The following ERVW-1 variants were observed in gnomAD, a reference collection of about 807,000 sequenced individuals.
The protein encoded by ERVW-1 is endogenous retrovirus group W member 1, envelope, also known as syncytin-1.
A neutral mutation model predicts 16.6 loss-of-function variants in ERVW-1; 21 were observed. The ratio of observed to expected loss-of-function variants is 1.26; its 90% CI spans 0.90 to 1.82. The LOEUF (loss-of-function observed/expected upper bound fraction) is 1.82, where lower values mean the gene tolerates loss of function less well. Ranked by LOEUF, ERVW-1 falls within the 40% of genes most tolerant of loss-of-function variation. The probability of loss-of-function intolerance (pLI) is 0.00; values close to 1 mark genes in which losing one functional copy is unlikely to be tolerated. For missense variants in ERVW-1, 412 were observed against 300.2 expected, an observed-to-expected ratio of 1.37 and a Z score of -2.75; for synonymous variants, 161 against 109.8, an observed-to-expected ratio of 1.47 and a Z score of -2.92.
In ERVW-1 at chr7:92,469,804, T is replaced by C. The variant is rs762953433; in HGVS notation, c.578A>G (p.Asn193Ser). ...PTNCWICLPL[N>S]FRPYVSIPVP... ...AGGGATTGAAACATATGGCCTGAAG[T>C]TCAGGGGGAGGCATATCCAACAGTT... The change falls in exon 2 of 2, where the codon AAC becomes AGC. Residue 193 changes from asparagine (N) to serine (S), a missense_variant. Asn to Ser is a conservative substitution (Grantham distance 46). Coordinates refer to ENST00000603053, the MANE Select transcript of ERVW-1 (RefSeq NM_001130925.2). 1 of 767,244 alleles carries C rather than the reference T, an allele frequency of 1.3e-6. No individual in the cohort carries two copies. The highest frequency in any genetic ancestry group is 2.4e-6 in the Non-Finnish European group (1 of 417,484). The allele number at this position is 767,244 out of a possible 1,614,324, so 47.5% of individuals were successfully genotyped here. A position where few individuals can be genotyped will look rare whatever the true frequency, so the allele number is the denominator to read the frequency against.
Position 92,470,569 on chromosome 7 carries a change from G to T in ERVW-1, c.-188C>A, listed in dbSNP as rs1790307900. ...TCCAGCCACTTTAACCGCAGTTGGG[G>T]TAGATAAAATGACTGGGTAGGGTCC... is the stretch of plus-strand genomic sequence containing the variant. On this transcript the variant is annotated 5_prime_UTR_variant, in exon 2 of 2. Coordinates refer to ENST00000603053, the MANE Select transcript of ERVW-1 (RefSeq NM_001130925.2). 3 of 525,892 alleles carry T rather than the reference G, an allele frequency of 5.7e-6. No individual in the cohort carries two copies. In the South Asian group the frequency reaches 1.0e-4, roughly 18 times the overall value. 32.6% of individuals were successfully genotyped at this position (525,892 alleles called of 1,614,324 possible).
intron 1 of ERVW-1, among the ~76,000 whole-genome samples, chr7:92,473,596 C>T (rs1443685465): frequency 6.6e-6 from 1 of 152,002 alleles, no homozygotes; most frequent in Non-Finnish European, 1.5e-5. Context: ...GCTAGAATGT[C>T]TCTCCCTAAC....
intron 1 of ERVW-1, chr7:92,470,911 T>C (rs1469536899): frequency 6.0e-6 from 1 of 167,436 alleles, no homozygotes; most frequent in East Asian, 1.9e-4. Flanking sequence ...GTTTCCTGGG[T>C]TTGCTTTTTT....
In ERVW-1 at chr7:92,470,163, A is replaced by T; in HGVS notation, c.219T>A (p.Tyr73Ter). Residue 73 changes from tyrosine to a stop codon, truncating the protein, a stop_gained, in exon 2 of 2, where the codon TAT (tyrosine) becomes TAA (stop). Transcript: ENST00000603053. LOFTEE classifies it high-confidence loss of function. ...TAHTHMPRNC[Y>*]HSATLCMHAN... The stretch of plus-strand genomic sequence containing the variant: ...CATGCATGCAAAGAGTGGCAGAGTG[A>T]TAGCAGTTGCGGGGCATATGGGTGT... 1 of 778,824 alleles carries T rather than the reference A, an allele frequency of 1.3e-6. No individual in the cohort carries two copies. Among genetic ancestry groups the T allele is most frequent in the Non-Finnish European group, 2.4e-6 (1 of 417,948 alleles). The allele number at this position is 778,824 out of a possible 1,614,324, so 48.2% of individuals were successfully genotyped here. A position where few individuals can be genotyped will look rare whatever the true frequency, so the allele number is the denominator to read the frequency against.
intron 1 of ERVW-1, chr7:92,471,594 A>G (rs1790355573): frequency 6.6e-6 from 1 of 152,046 alleles, no homozygotes; most frequent in African/African-American, 2.4e-5. Flanking sequence ...ATTACCCTAT[A>G]CTAGGGGTTG....
chr7:92,477,799 G>T lies in ERVW-1; in HGVS notation c.-645C>A. ...GAGTCAGCGGCAGGTCTGCGGTGGT[G>T]GCAAACAGCAGTGGTGGACGGTGAG... On this transcript the variant is annotated 5_prime_UTR_variant, in exon 1 of 2. Transcript: ENST00000603053. The T allele has an allele frequency of 5.5e-6, 1 of 181,414 alleles. No individual in the cohort carries two copies. The highest frequency in any genetic ancestry group is 1.5e-4 in the South Asian group (1 of 6,620). The allele number at this position is 181,414 out of a possible 1,614,324, so 11.2% of individuals were successfully genotyped here.
At chr7:92,471,352 A>T (rs1562831141) in intron 1 of ERVW-1, 1 of 154,144 alleles carries the variant, frequency 6.5e-6, no homozygotes, top group Non-Finnish European at 1.5e-5. Flanking sequence ...TCTGCTTGAT[A>T]GTTTTGAAAA....
intron 1 of ERVW-1, chr7:92,475,315 AG>A (rs1790493339): frequency 6.6e-6 from 1 of 152,202 alleles, no homozygotes; most frequent in Admixed American, 6.5e-5. Flanking sequence ...ATCTGAAAAA[AG>A]AACATAGGGA....
At chr7:92,475,747 G>T (rs1405872592) in intron 1 of ERVW-1, among the ~76,000 whole-genome samples, 1 of 152,008 alleles carries the variant, frequency 6.6e-6, no homozygotes, top group Non-Finnish European at 1.5e-5. Context: ...TTGCCTTTGC[G>T]CTCAGGGGTG....
intron 1 of ERVW-1, among the ~76,000 whole-genome samples, chr7:92,475,459 TTGCAGTCC>T (rs1386310853): frequency 6.6e-6 from 1 of 152,194 alleles, no homozygotes; most frequent in Non-Finnish European, 1.5e-5. Flanking sequence ...CTCACTGATG[TTGCAGTCC>T]TGCACCTGTT....
chr7:92,476,877 A>T (rs1304961768), intron 1 of ERVW-1, among the ~76,000 whole-genome samples: 1 of 152,192 alleles, frequency 6.6e-6, no homozygotes, highest in African/African-American at 2.4e-5. Context: ...GAGCTTCCTT[A>T]GATCCCTTTG....
chr7:92,470,996 A>G (rs903042570), intron 1 of ERVW-1: 2 of 167,064 alleles, frequency 1.2e-5, no homozygotes, highest in Admixed American at 1.3e-4. Flanking sequence ...AGTGTAAGTG[A>G]TATCGTATAC....
intron 1 of ERVW-1, among the ~76,000 whole-genome samples, chr7:92,476,645 G>GTC (rs1169059496): frequency 2.0e-5 from 3 of 150,352 alleles, no homozygotes; most frequent in African/African-American, 4.9e-5. Flanking sequence ...CTCTCTCACT[G>GTC]TCTCTCTCTC....
intron 1 of ERVW-1, among the ~76,000 whole-genome samples, 172 bp downstream of exon 1, chr7:92,477,210 G>C (rs1790580555): frequency 2.0e-5 from 3 of 152,172 alleles, no homozygotes. Context: ...CCCCAACCCA[G>C]AAGGGTTGGG....
chr7:92,469,312 T>C lies in ERVW-1; in HGVS notation c.1070A>G (p.Asp357Gly), dbSNP rs1474278996. 1.3e-6 allele frequency: 1 copy of C among 764,636 alleles called. No homozygotes were observed. Among genetic ancestry groups the C allele is most frequent in the African/African-American group, 1.7e-5 (1 of 59,208 alleles). 47.4% of individuals were successfully genotyped at this position (764,636 alleles called of 1,614,324 possible). A position where few individuals can be genotyped will look rare whatever the true frequency, so the allele number is the denominator to read the frequency against. The change falls in exon 2 of 2, where the codon GAC becomes GGC. Residue 357 changes from aspartate to glycine, a missense_variant. By Grantham distance (94) the Asp-to-Gly change is moderately conservative. Coordinates refer to ENST00000603053, the MANE Select transcript of ERVW-1 (RefSeq NM_001130925.2). The part of the protein sequence containing the change: ...YYKLSQELNG[D>G]MERVADSLVT... ...CAGGGAGTCGGCGACCCGTTCCATG[T>C]CCCCATTTAGTTCTTGAGATAGTTT...
intron 1 of ERVW-1, chr7:92,473,032 A>T (rs1790407747): frequency 6.6e-6 from 1 of 152,148 alleles, no homozygotes; most frequent in Non-Finnish European, 1.5e-5. Flanking sequence ...CTATCCCTGA[A>T]CCCTTGGGGT....
chr7:92,470,995 G>A (rs1277035053), intron 1 of ERVW-1: 3 of 167,138 alleles, frequency 1.8e-5, no homozygotes, highest in African/African-American at 4.8e-5. Flanking sequence ...CAGTGTAAGT[G>A]ATATCGTATA....
rs954225133 is a variant in ERVW-1, at chr7:92,468,467, G to A, written c.*298C>T. On this transcript the variant is annotated 3_prime_UTR_variant, in exon 2 of 2. Coordinates refer to ENST00000603053, the MANE Select transcript of ERVW-1 (RefSeq NM_001130925.2). Reference sequence around the variant, plus strand: ...GGACCCAAAGGGGGTTGCCGTTGCCGGCTCGAAGACTTGGGTTTATATCCC... The same window carrying A: ...GGACCCAAAGGGGGTTGCCGTTGCCAGCTCGAAGACTTGGGTTTATATCCC... The A allele has an allele frequency of 8.0e-5, 18 of 225,074 alleles. No individual in the cohort carries two copies. The highest frequency in any genetic ancestry group is 6.2e-4 in the Admixed American group (12 of 19,260). 13.9% of individuals were successfully genotyped at this position (225,074 alleles called of 1,614,324 possible).
At chr7:92,474,769 C>T (rs1180471511) in intron 1 of ERVW-1, 2 of 152,162 alleles carry the variant, frequency 1.3e-5, no homozygotes, top group Non-Finnish European at 2.9e-5. Context: ...ATCAATATAG[C>T]CATCAGGGTT....
Sources: allele counts gnomAD v4.1 joint callset (sites outside exome capture counted in the v4.1 genomes callset), GRCh38; gene constraint gnomAD v4.1.1; transcripts MANE v1.5; gene names NCBI Gene and HGNC (gene_info 2026-07-23, HGNC 2026-07-21).